NEDD4L: variants seen among roughly 807,000 people sequenced by gnomAD.
The protein encoded by NEDD4L is NEDD4 like E3 ubiquitin protein ligase, also known as E3 ubiquitin-protein ligase NEDD4-like.
A neutral mutation model predicts 148.9 loss-of-function variants in NEDD4L; 54 were observed. The ratio of observed to expected loss-of-function variants is 0.36; its 90% CI spans 0.29 to 0.45. NEDD4L has a LOEUF of 0.45. Among genes scored for constraint, NEDD4L ranks in the 20% least tolerant of loss-of-function variants. The pLI is 1.00. For synonymous variants in NEDD4L, 433 were observed against 440.7 expected (o/e 0.98, Z 0.22); for missense variants, 856 against 1,233.8 (o/e 0.69, Z 4.59).
At chr18:58,117,201 T>C (rs1268692383) in intron 1 of NEDD4L, among the ~76,000 whole-genome samples, 1 of 152,240 alleles carries the variant, frequency 6.6e-6, no homozygotes, top group Non-Finnish European at 1.5e-5. Context: ...CAGACACTAA[T>C]GTAAATCAGC....
At chr18:58,180,987 A>G (rs1295842335) in intron 2 of NEDD4L, among the ~76,000 whole-genome samples, 2 of 152,274 alleles carry the variant, frequency 1.3e-5, no homozygotes, top group African/African-American at 4.8e-5. Flanking sequence ...AAATAAAATG[A>G]TAACACAAAT....
intron 1 of NEDD4L, among the ~76,000 whole-genome samples, chr18:58,096,201 TA>T (rs2084383096): frequency 6.6e-6 from 1 of 152,114 alleles, no homozygotes; most frequent in Admixed American, 6.5e-5. Context: ...GGGTACTTTA[TA>T]ACCAATAGCT....
Position 58,283,050 on chromosome 18 carries a change from CTTATTTAT to C in NEDD4L, c.297+31032_297+31039del, listed in dbSNP as rs10555499. ...AGGAACGTGATAAATTGCACACTGCCTTATTTATTTATTTATTTATTTATTTATTTATT... is the reference window on the plus strand; with the variant it reads ...AGGAACGTGATAAATTGCACACTGCCTTATTTATTTATTTATTTATTTATT... On this transcript the variant is annotated intron_variant, in intron 5 of 30. Transcript: ENST00000400345. Among the ~76,000 whole-genome samples the C allele has an allele frequency of 4.4e-3, 663 of 150,264 alleles. 2 individuals carry two copies. Among genetic ancestry groups the C allele is most frequent in the African/African-American group, 0.012 (501 of 40,770 alleles).
At chr18:58,085,400 C>T (rs371382179) in intron 1 of NEDD4L, among the ~76,000 whole-genome samples, 7 of 152,094 alleles carry the variant, frequency 4.6e-5, no homozygotes, top group Non-Finnish European at 8.8e-5. Context: ...GGGGCTGAAC[C>T]GAGGGTGACA....
At position 58,256,309 on chromosome 18, in the gene NEDD4L, G is replaced by C; in HGVS notation, c.297+4255G>C. On this transcript the variant is annotated intron_variant, in intron 5 of 30. Transcript: ENST00000400345. This position sits in a 1 kb window ranked among gnomAD's most constrained non-coding sequence, Gnocchi z 5.2. The stretch of plus-strand genomic sequence containing the variant: ...GCGGCCCGGCCGCGGCAGAGCCCAG[G>C]CGCTGGTCCCTGCAGCACGTTCCAG... 8.1e-7 allele frequency: 1 copy of C among 1,231,894 alleles called. No homozygotes were observed. The highest frequency in any genetic ancestry group is 1.0e-6 in the Non-Finnish European group (1 of 987,902). 76.3% of individuals were successfully genotyped at this position (1,231,894 alleles called of 1,614,324 possible).
chr18:58,118,607 T>C (rs1166084864), intron 1 of NEDD4L, among the ~76,000 whole-genome samples: 1 of 152,162 alleles, frequency 6.6e-6, no homozygotes, highest in Non-Finnish European at 1.5e-5. Flanking sequence ...GTTTTGTTGT[T>C]GTTTGTGTGT....
intron 2 of NEDD4L, among the ~76,000 whole-genome samples, chr18:58,178,779 G>A (rs539585298): frequency 1.8e-4 from 27 of 152,302 alleles, no homozygotes; most frequent in Non-Finnish European, 3.2e-4. Flanking sequence ...ATTTTTATCC[G>A]TCATTGTTAT....
chr18:58,254,027 G>A (rs1388923460), intron 5 of NEDD4L, among the ~76,000 whole-genome samples: 3 of 151,192 alleles, frequency 2.0e-5, no homozygotes, highest in East Asian at 1.9e-4. Context: ...TTAACCCAGC[G>A]GAGACAATAT....
chr18:58,218,137 T>C (rs1449868421), intron 2 of NEDD4L, among the ~76,000 whole-genome samples: 1 of 152,226 alleles, frequency 6.6e-6, no homozygotes, highest in African/African-American at 2.4e-5. Context: ...GCTTTTCTTA[T>C]TCCTTTTGGC....
intron 13 of NEDD4L, among the ~76,000 whole-genome samples, chr18:58,337,405 C>T (rs2041908835): frequency 6.6e-6 from 1 of 152,158 alleles, no homozygotes; most frequent in South Asian, 2.1e-4. Context: ...TCTGTCTCTT[C>T]ACCCCGTGTT....
chr18:58,205,057 A>C (rs1026555785), intron 2 of NEDD4L, among the ~76,000 whole-genome samples: 7 of 152,238 alleles, frequency 4.6e-5, no homozygotes, highest in Non-Finnish European at 7.3e-5. Context: ...CAACCCATCA[A>C]ATACATTTTA....
chr18:58,170,254 C>T (rs2037401387), intron 2 of NEDD4L, among the ~76,000 whole-genome samples: 1 of 152,222 alleles, frequency 6.6e-6, no homozygotes, highest in African/African-American at 2.4e-5. Context: ...TCTGTCAGGG[C>T]CCAGTTTGGG....
intron 5 of NEDD4L, among the ~76,000 whole-genome samples, chr18:58,257,877 A>G (rs2048818134): frequency 6.6e-6 from 1 of 152,214 alleles, no homozygotes; most frequent in Admixed American, 6.5e-5. Context: ...TGTGACTGCC[A>G]GTTTGAGGAT....
chr18:58,078,098 A>C (rs2083263116), intron 1 of NEDD4L, among the ~76,000 whole-genome samples: 1 of 151,972 alleles, frequency 6.6e-6, no homozygotes, highest in Non-Finnish European at 1.5e-5. Context: ...AAAAGTAAAA[A>C]CTAAAATGAC....
At chr18:58,093,145 C>T (rs1229608523) in intron 1 of NEDD4L, among the ~76,000 whole-genome samples, 1 of 152,114 alleles carries the variant, frequency 6.6e-6, no homozygotes, top group Non-Finnish European at 1.5e-5. Context: ...ATGAGTGTCA[C>T]TTAGGCAACA....
chr18:58,199,133 C>T (rs1360706701), intron 2 of NEDD4L, among the ~76,000 whole-genome samples: 4 of 152,198 alleles, frequency 2.6e-5, no homozygotes, highest in Non-Finnish European at 5.9e-5. Flanking sequence ...AAGACAAATA[C>T]TCATTTATAT....
At chr18:58,295,364 G>T (rs1230357521) in intron 5 of NEDD4L, among the ~76,000 whole-genome samples, 1 of 152,166 alleles carries the variant, frequency 6.6e-6, no homozygotes, top group Non-Finnish European at 1.5e-5. Context: ...GTGGAATAAT[G>T]CAGTGTGTAG....
At chr18:58,123,811 C>T (rs1323649231) in intron 1 of NEDD4L, among the ~76,000 whole-genome samples, 2 of 152,130 alleles carry the variant, frequency 1.3e-5, no homozygotes, top group Non-Finnish European at 2.9e-5. Flanking sequence ...TCCACCTTTC[C>T]ACCTGCTGCC....
At chr18:58,189,265 CTGG>C (rs2039823158) in intron 2 of NEDD4L, among the ~76,000 whole-genome samples, 1 of 152,160 alleles carries the variant, frequency 6.6e-6, no homozygotes, top group African/African-American at 2.4e-5. Flanking sequence ...TCAGCCCCAG[CTGG>C]TGCATTCCCC....
Sources: allele counts gnomAD v4.1 joint callset (sites outside exome capture counted in the v4.1 genomes callset), GRCh38; gene constraint gnomAD v4.1.1; non-coding constraint Gnocchi (gnomAD v3.1); transcripts MANE v1.5; gene names NCBI Gene and HGNC (gene_info 2026-07-23, HGNC 2026-07-21).